The following LRP1B variants were observed in gnomAD, a reference collection of about 807,000 sequenced individuals.
LRP1B encodes low-density lipoprotein receptor-related protein 1B.
A neutral mutation model predicts 556.6 loss-of-function variants in LRP1B; 217 were observed. The ratio of observed to expected loss-of-function variants is 0.39; its 90% CI spans 0.35 to 0.44. The LOEUF (loss-of-function observed/expected upper bound fraction) is 0.44. LRP1B is among the 20% of genes least tolerant of loss of function. LRP1B has a pLI of 1.00. For synonymous variants in LRP1B, 2,047 were observed against 1,865.8 expected, an observed-to-expected ratio of 1.10 and a Z score of -2.50; for missense variants, 5,053 against 5,620.8, an observed-to-expected ratio of 0.90 and a Z score of 3.23.
At chr2:141,801,942 A>C (rs973143196) in intron 2 of LRP1B, among the ~76,000 whole-genome samples, 2 of 152,126 alleles carry the variant, frequency 1.3e-5, no homozygotes, top group Admixed American at 1.3e-4. Flanking sequence ...TGCCATAACA[A>C]AATACCATAC....
At chr2:141,258,259 G>A (rs2105346910) in intron 3 of LRP1B, among the ~76,000 whole-genome samples, 1 of 152,304 alleles carries the variant, frequency 6.6e-6, no homozygotes, top group Admixed American at 6.5e-5. Flanking sequence ...GCCAAGGCAG[G>A]TGGATCACAA....
At chr2:140,574,599 A>C (rs1293236280) in intron 43 of LRP1B, among the ~76,000 whole-genome samples, 1 of 152,200 alleles carries the variant, frequency 6.6e-6, no homozygotes, top group Non-Finnish European at 1.5e-5. Context: ...CATTTTAGTT[A>C]ATTTAAGTTG....
At chr2:141,841,680 C>A (rs1381721602) in intron 1 of LRP1B, among the ~76,000 whole-genome samples, 1 of 152,198 alleles carries the variant, frequency 6.6e-6, no homozygotes, top group African/African-American at 2.4e-5. Context: ...ACCAAAACTT[C>A]AGCCTTCAGT....
intron 7 of LRP1B, among the ~76,000 whole-genome samples, chr2:141,140,647 G>C (rs1262240227): frequency 6.6e-6 from 1 of 152,080 alleles, no homozygotes; most frequent in East Asian, 1.9e-4. Context: ...GCAAGCTAAG[G>C]ACAGACGTCT....
At chr2:140,474,414 AT>A (rs1393797862) in intron 60 of LRP1B, among the ~76,000 whole-genome samples, 6 of 151,866 alleles carry the variant, frequency 4.0e-5, no homozygotes, top group Admixed American at 1.3e-4. Context: ...TGCAGACTTT[AT>A]TTGGGACCTC....
chr2:141,417,134 A>T (rs562112370), intron 3 of LRP1B, among the ~76,000 whole-genome samples: 24 of 152,310 alleles, frequency 1.6e-4, no homozygotes, highest in East Asian at 1.9e-4. Context: ...AGAAATTCAC[A>T]TATTTTACAC....
intron 1 of LRP1B, among the ~76,000 whole-genome samples, chr2:141,905,770 T>TAGACAA (rs1699738945): frequency 3.0e-5 from 4 of 134,764 alleles, no homozygotes; most frequent in Admixed American, 1.5e-4. Context: ...AATAGATGTG[T>TAGACAA]GTGTGTGTGT....
chr2:141,898,570 T>C (rs142986529), intron 1 of LRP1B, among the ~76,000 whole-genome samples: 2 of 152,220 alleles, frequency 1.3e-5, no homozygotes, highest in East Asian at 3.9e-4. Context: ...CAATCCAAAT[T>C]CACATATGAT....
At position 141,264,913 on chromosome 2, in the gene LRP1B, T is replaced by C. The variant is rs182653578; in HGVS notation, c.344-10272A>G. ...GGCTATAGAGTTTCATCCATCAACC[T>C]TGGAAGAGCTGTCTTGGAGGCAGGC... On this transcript the variant is annotated intron_variant, in intron 3 of 90. Transcript: ENST00000389484. Among the ~76,000 whole-genome samples, 234 of 152,272 alleles carry C rather than the reference T, an allele frequency of 1.5e-3. 1 individual carries two copies. The highest frequency in any genetic ancestry group is 5.1e-3 in the African/African-American group (214 of 41,556).
rs181467242 is a variant in LRP1B at position 141,410,021 on chromosome 2, G to C, written c.343+70375C>G. On this transcript the variant is annotated intron_variant, in intron 3 of 90. Coordinates refer to ENST00000389484, the MANE Select transcript of LRP1B (RefSeq NM_018557.3). ...AGGTAGATGGACTAGAGAAAATGTG[G>C]AGAGTCAAAGTGAAAAATATATTCT... 3.6e-3 allele frequency among the ~76,000 whole-genome samples: 553 copies of C among 152,136 alleles called. 5 individuals carry two copies. The highest frequency in any genetic ancestry group is 0.012 in the African/African-American group (495 of 41,544).
intron 6 of LRP1B, among the ~76,000 whole-genome samples, chr2:141,210,612 T>C (rs1682501099): frequency 6.6e-6 from 1 of 152,184 alleles, no homozygotes; most frequent in African/African-American, 2.4e-5. Context: ...ACCAAGTATA[T>C]GGCACAGTGA....
chr2:141,865,747 T>C (rs1056935928), intron 1 of LRP1B, among the ~76,000 whole-genome samples: 3 of 152,178 alleles, frequency 2.0e-5, no homozygotes, highest in Non-Finnish European at 4.4e-5. Context: ...TTCAAACTTA[T>C]CCCAAGGGAA....
chr2:140,298,051 T>C, intron 83 of LRP1B, 82 bp from the exon 84 acceptor site: 1 of 1,344,206 alleles, frequency 7.4e-7, no homozygotes, highest in South Asian at 1.5e-5. Context: ...GGATAAAAGT[T>C]GAGAAGCCAG....
rs1417422490 is a variant in LRP1B, at chr2:140,273,972, G to T, written c.13142+452C>A. 3.3e-5 allele frequency among the ~76,000 whole-genome samples: 5 copies of T among 152,070 alleles called. No individual in the cohort carries two copies. The South Asian group carries it at 8.3e-4, about 25-fold the overall frequency. ...TGTTCAAAGTCAGATTAAGAAAAAA[G>T]GATTAATGTGTGTTTTCATTAGACA... On this transcript the variant is annotated intron_variant, in intron 85 of 90. Transcript: ENST00000389484.
intron 84 of LRP1B, among the ~76,000 whole-genome samples, chr2:140,291,264 T>G (rs2104986649): frequency 7.2e-6 from 1 of 138,876 alleles, no homozygotes; most frequent in South Asian, 2.4e-4. Context: ...TTTCTTCTTA[T>G]CTCAGCTTAG....
intron 66 of LRP1B, among the ~76,000 whole-genome samples, chr2:140,429,361 C>G (rs1011311320): frequency 2.6e-5 from 4 of 152,148 alleles, no homozygotes; most frequent in African/African-American, 4.8e-5. Flanking sequence ...CTTCCCTCCA[C>G]AATCCATTAT....
chr2:141,911,529 C>G (rs1699907777), intron 1 of LRP1B, among the ~76,000 whole-genome samples: 1 of 152,100 alleles, frequency 6.6e-6, no homozygotes, highest in South Asian at 2.1e-4. Context: ...AAATATATCC[C>G]AAATAAGCAG....
chr2:140,941,098 G>A (rs933795904), intron 20 of LRP1B, among the ~76,000 whole-genome samples: 1 of 152,000 alleles, frequency 6.6e-6, no homozygotes, highest in Non-Finnish European at 1.5e-5. Flanking sequence ...AAGAAGTTTG[G>A]AAATGAGAAA....
chr2:141,714,278 C>T (rs2105483893), intron 2 of LRP1B, among the ~76,000 whole-genome samples: 1 of 152,196 alleles, frequency 6.6e-6, no homozygotes, highest in East Asian at 1.9e-4. Context: ...CTGTTCTTAA[C>T]AAGCATCTGT....
Sources: allele counts gnomAD v4.1 joint callset (sites outside exome capture counted in the v4.1 genomes callset), GRCh38; gene constraint gnomAD v4.1.1; transcripts MANE v1.5; gene names NCBI Gene and HGNC (gene_info 2026-07-23, HGNC 2026-07-21).